The following ETV6 variants were observed in gnomAD, a reference collection of about 807,000 sequenced individuals.
ETV6 encodes the protein ETS variant transcription factor 6.
ETV6 carries 16 observed loss-of-function variants against 51.1 expected under a neutral mutation model. The observed-to-expected ratio is 0.31, with a 90% confidence interval of 0.21 to 0.48. ETV6 has a LOEUF of 0.48. ETV6 is among the 20% of genes least tolerant of loss of function. The pLI, the probability that ETV6 is intolerant of heterozygous loss-of-function variation, is 0.99. For missense variants in ETV6, 458 were observed against 594.8 expected (o/e 0.77, Z 2.39); for synonymous variants, 240 against 224.1 (o/e 1.07, Z -0.64).
chr12:11,880,445 A>G (rs1042391778), intron 5 of ETV6, among the ~76,000 whole-genome samples: 8 of 152,204 alleles, frequency 5.3e-5, no homozygotes, highest in Admixed American at 1.3e-4. Context: ...ATAACATTCT[A>G]GGTCCTAGTT....
intron 5 of ETV6, among the ~76,000 whole-genome samples, chr12:11,883,266 A>G (rs1258294251): frequency 2.9e-5 from 3 of 104,116 alleles, no homozygotes; most frequent in Non-Finnish European, 5.4e-5. Flanking sequence ...GGTGTACATC[A>G]TGTCTTCTTC....
At chr12:11,684,072 A>G (rs1248543636) in intron 1 of ETV6, among the ~76,000 whole-genome samples, 1 of 152,264 alleles carries the variant, frequency 6.6e-6, no homozygotes, top group East Asian at 1.9e-4. Context: ...TGACTTCGAC[A>G]ACTGAGAAAA....
intron 2 of ETV6, among the ~76,000 whole-genome samples, chr12:11,770,684 T>G (rs915951087): frequency 6.6e-6 from 1 of 152,208 alleles, no homozygotes; most frequent in African/African-American, 2.4e-5. Context: ...CATGCACAAA[T>G]GTAGCCTTTT....
chr12:11,706,381 C>T (rs530935217), intron 1 of ETV6, among the ~76,000 whole-genome samples: 98 of 152,316 alleles, frequency 6.4e-4, no homozygotes, highest in Middle Eastern at 6.8e-3. Flanking sequence ...CATTTCTCTT[C>T]GCTGGAAGAG....
intron 6 of ETV6, among the ~76,000 whole-genome samples, 195 bp from the exon 7 acceptor site, chr12:11,885,731 G>A (rs566210874): frequency 6.6e-6 from 1 of 152,322 alleles, no homozygotes; most frequent in Non-Finnish European, 1.5e-5. Context: ...CTTGGTGACA[G>A]TGAATATAAA....
chr12:11,718,197 C>T (rs756741603), intron 1 of ETV6, among the ~76,000 whole-genome samples: 4 of 152,104 alleles, frequency 2.6e-5, no homozygotes, highest in Non-Finnish European at 1.5e-5. Context: ...TTCCTTGGTC[C>T]ATGCTGGTGT....
intron 2 of ETV6, among the ~76,000 whole-genome samples, chr12:11,822,740 G>C (rs1946098885): frequency 6.6e-6 from 1 of 152,222 alleles, no homozygotes; most frequent in Non-Finnish European, 1.5e-5. Context: ...GAAGAGAAGA[G>C]GGAGTGGGGG....
Position 11,893,150 on chromosome 12 carries a change from T to G in ETV6, c.*2104T>G, listed in dbSNP as rs539206339. On this transcript the variant is annotated 3_prime_UTR_variant, in exon 8 of 8. Transcript: ENST00000396373. ...TCCCTATTTCAGCCTCTAAGATGAC[T>G]GGTATTCTATCTGAAATGCAGAGAT... The G allele has an allele frequency of 8.6e-6, 2 of 232,880 alleles. No individual in the cohort carries two copies. The highest frequency in any genetic ancestry group is 1.2e-4 in the East Asian group (2 of 16,518). 14.4% of individuals were successfully genotyped at this position (232,880 alleles called of 1,614,324 possible).
At chr12:11,704,850 A>C (rs180852334) in intron 1 of ETV6, among the ~76,000 whole-genome samples, 1 of 152,160 alleles carries the variant, frequency 6.6e-6, no homozygotes, top group East Asian at 1.9e-4. Context: ...AATAGAATAT[A>C]GTTTTATTAA....
In ETV6 at chr12:11,839,125, T is replaced by C. The variant is rs1304946254; in HGVS notation, c.164-15T>C. ...CCTTTCTCTCTTTCTTTCTGCCTCA[T>C]GCTCTCTCCAACAGGCTTGCAGCCA... On this transcript the variant is annotated splice_polypyrimidine_tract_variant and intron_variant, in intron 2 of 7. Coordinates refer to ENST00000396373, the MANE Select transcript of ETV6 (RefSeq NM_001987.5). The C allele has an allele frequency of 6.2e-7, 1 of 1,611,048 alleles. No individual in the cohort carries two copies. The highest frequency in any genetic ancestry group is 1.7e-5 in the Admixed American group (1 of 59,744).
chr12:11,731,555 T>G (rs1404539189), intron 1 of ETV6, among the ~76,000 whole-genome samples: 1 of 150,896 alleles, frequency 6.6e-6, no homozygotes, highest in Middle Eastern at 3.2e-3. Flanking sequence ...ATTTTTTTTC[T>G]TCTGTCTTAT....
chr12:11,651,118 G>T (rs1863898218), intron 1 of ETV6, among the ~76,000 whole-genome samples: 1 of 152,164 alleles, frequency 6.6e-6, no homozygotes, highest in Non-Finnish European at 1.5e-5. Context: ...TTTTCCCATC[G>T]CTGCATTTAT....
chr12:11,890,396 AGGGTGCTCACT>A (rs1389464829), intron 7 of ETV6, among the ~76,000 whole-genome samples: 4 of 151,754 alleles, frequency 2.6e-5, no homozygotes, highest in African/African-American at 9.7e-5. Flanking sequence ...GTGATCCCAA[AGGGTGCTCACT>A]ACGTCACAGA....
chr12:11,794,903 C>G (rs887363840), intron 2 of ETV6, among the ~76,000 whole-genome samples: 1 of 152,194 alleles, frequency 6.6e-6, no homozygotes, highest in African/African-American at 2.4e-5. Flanking sequence ...CCTCTACTTC[C>G]GTTGTAACTG....
intron 1 of ETV6, among the ~76,000 whole-genome samples, chr12:11,717,242 C>T (rs1469528858): frequency 1.3e-5 from 2 of 152,250 alleles, no homozygotes; most frequent in Non-Finnish European, 2.9e-5. Flanking sequence ...TGAGAGCAGA[C>T]AAACCTGGAG....
intron 7 of ETV6, among the ~76,000 whole-genome samples, chr12:11,889,114 G>A (rs1947249736): frequency 6.6e-6 from 1 of 152,074 alleles, no homozygotes; most frequent in Non-Finnish European, 1.5e-5. Context: ...GAAAGGGGTG[G>A]TTTGGGGGGC....
chr12:11,773,848 C>T (rs980842665), intron 2 of ETV6, among the ~76,000 whole-genome samples: 3 of 152,196 alleles, frequency 2.0e-5, no homozygotes, highest in Non-Finnish European at 4.4e-5. Context: ...CACAGGGCTG[C>T]GTTGCAAATG....
chr12:11,870,274 T>C (rs1351930980), intron 5 of ETV6, among the ~76,000 whole-genome samples: 1 of 152,218 alleles, frequency 6.6e-6, no homozygotes, highest in Non-Finnish European at 1.5e-5. Flanking sequence ...AAAAGGTTTA[T>C]GAGCATGCTA....
chr12:11,707,366 C>T (rs1565493508), intron 1 of ETV6, among the ~76,000 whole-genome samples: 2 of 152,204 alleles, frequency 1.3e-5, no homozygotes, highest in South Asian at 4.1e-4. Context: ...AATGGGAGCA[C>T]ACCTGTGGGA....
Sources: gnomAD v4.1 joint callset for allele counts (sites outside exome capture counted in the v4.1 genomes callset) on GRCh38, gnomAD v4.1.1 for gene constraint, MANE v1.5 for transcripts, NCBI Gene and HGNC (gene_info 2026-07-23, HGNC 2026-07-21) for gene names.